CLIP4: variants seen among roughly 807,000 people sequenced by gnomAD.
CLIP4 encodes CAP-Gly domain containing linker protein family member 4.
A neutral mutation model predicts 73.1 loss-of-function variants in CLIP4; 47 were observed. That is an observed-to-expected ratio of 0.64 (90% CI 0.51 to 0.82). CLIP4 has a LOEUF of 0.82. Among genes scored for constraint, CLIP4 ranks in the 40% least tolerant of loss-of-function variants. CLIP4 has a pLI of 0.00. For synonymous variants in CLIP4, 306 were observed against 295.4 expected, an observed-to-expected ratio of 1.04 and a Z score of -0.37; for missense variants, 874 against 852.9, an observed-to-expected ratio of 1.02 and a Z score of -0.31.
intron 1 of CLIP4, among the ~76,000 whole-genome samples, chr2:29,108,282 A>C (rs115523427): frequency 0.012 from 1,779 of 152,342 alleles, 35 homozygotes; most frequent in African/African-American, 0.041. Flanking sequence ...TGTGGCCATC[A>C]TTAAGCGAAA....
In CLIP4 at chr2:29,167,459, C is replaced by T. The variant is rs373727324; in HGVS notation, c.1659-17C>T. 4 of 1,578,904 alleles carry T rather than the reference C, an allele frequency of 2.5e-6. No homozygotes were observed. The African/African-American group carries it at 5.5e-5, about 22-fold the overall frequency. On this transcript the variant is annotated splice_polypyrimidine_tract_variant and intron_variant, in intron 13 of 15. Transcript: ENST00000320081. ...GACCAGCTACTTCTAACGAGATGTCCTTTGTTTTATTCATAGAGTAACAGA... is the reference window on the plus strand; with the variant it reads ...GACCAGCTACTTCTAACGAGATGTCTTTTGTTTTATTCATAGAGTAACAGA...
At chr2:29,176,160 A>C (rs576670872) in intron 15 of CLIP4, among the ~76,000 whole-genome samples, 1 of 152,370 alleles carries the variant, frequency 6.6e-6, no homozygotes, top group African/African-American at 2.4e-5. Context: ...AAAGGGTTTC[A>C]GGTGCTGGCA....
chr2:29,129,651 C>T (rs762559341), intron 2 of CLIP4, among the ~76,000 whole-genome samples: 2 of 151,720 alleles, frequency 1.3e-5, no homozygotes, highest in Non-Finnish European at 2.9e-5. Context: ...TATTTGAGTG[C>T]TGTAGGGATG....
intron 14 of CLIP4, among the ~76,000 whole-genome samples, chr2:29,168,058 A>C (rs1475402901): frequency 6.6e-6 from 1 of 152,180 alleles, no homozygotes; most frequent in Non-Finnish European, 1.5e-5. Flanking sequence ...CTTCCTAGGT[A>C]ATGCCTGTCT....
Position 29,183,767 on chromosome 2 carries a change from T to A in CLIP4, c.*1874T>A, listed in dbSNP as rs1668749553. The stretch of plus-strand genomic sequence containing the variant: ...TTATGAAATGTCATTTAAAGTTCAC[T>A]TCTTGAGCATCAATAAAAAGGGAAG... On this transcript the variant is annotated 3_prime_UTR_variant, in exon 16 of 16. Coordinates refer to ENST00000320081, the MANE Select transcript of CLIP4 (RefSeq NM_024692.6). 1 of 152,256 alleles carries A rather than the reference T, an allele frequency of 6.6e-6. No homozygotes were observed. Among genetic ancestry groups the A allele is most frequent in the South Asian group, 2.1e-4 (1 of 4,836 alleles). 9.4% of individuals were successfully genotyped at this position (152,256 alleles called of 1,614,324 possible). A position where few individuals can be genotyped will look rare whatever the true frequency, so the allele number is the denominator to read the frequency against.
chr2:29,144,664 C>T (rs918801024), intron 7 of CLIP4, among the ~76,000 whole-genome samples: 1 of 151,962 alleles, frequency 6.6e-6, no homozygotes, highest in Non-Finnish European at 1.5e-5. Flanking sequence ...TTAGGTATTT[C>T]TCCTAATGCT....
intron 3 of CLIP4, chr2:29,131,632 G>T: frequency 2.8e-6 from 1 of 353,438 alleles, no homozygotes; most frequent in Non-Finnish European, 5.0e-6. Flanking sequence ...GCAGGGAGGG[G>T]CATTTTTCAT....
chr2:29,163,034 T>G (rs1667390756), intron 12 of CLIP4, among the ~76,000 whole-genome samples: 1 of 152,136 alleles, frequency 6.6e-6, no homozygotes, highest in Non-Finnish European at 1.5e-5. Flanking sequence ...GACTACTAGA[T>G]ACTTCTAATT....
chr2:29,174,147 C>G (rs768237844), intron 14 of CLIP4, among the ~76,000 whole-genome samples: 1 of 151,922 alleles, frequency 6.6e-6, no homozygotes, highest in Non-Finnish European at 1.5e-5. Context: ...GAGATAGGAT[C>G]TCACTCTATT....
intron 1 of CLIP4, 105 bp from the exon 2 acceptor site, chr2:29,121,269 T>A: frequency 8.9e-7 from 1 of 1,120,822 alleles, no homozygotes; most frequent in Non-Finnish European, 1.2e-6. Flanking sequence ...ACTGAAAATG[T>A]CAGCAGATTT....
At chr2:29,167,577 T>A (rs771530695) in intron 14 of CLIP4, 37 bp downstream of exon 14, 30 of 1,502,760 alleles carry the variant, frequency 2.0e-5, no homozygotes, top group Admixed American at 6.2e-5. Context: ...AATCAATATT[T>A]CTTTGCTTTC....
At chr2:29,122,826 CAAAAAAAAAAAA>C (rs11364909) in intron 2 of CLIP4, among the ~76,000 whole-genome samples, 2 of 61,914 alleles carry the variant, frequency 3.2e-5, no homozygotes, top group African/African-American at 1.4e-4. Context: ...ACTTTGTCTC[CAAAAAAAAAAAA>C]AAAAAAAAAA....
intron 11 of CLIP4, among the ~76,000 whole-genome samples, chr2:29,159,683 TAA>T (rs56927221): frequency 3.6e-4 from 41 of 114,146 alleles, no homozygotes; most frequent in African/African-American, 1.2e-3. Context: ...CCTGTTTCTT[TAA>T]AAAAAAAAAA....
upstream of CLIP4, among the ~76,000 whole-genome samples, chr2:29,112,924 G>A (rs1434292081): frequency 1.3e-5 from 2 of 152,180 alleles, no homozygotes; most frequent in Non-Finnish European, 2.9e-5. Flanking sequence ...TTTTATCATG[G>A]TCGGGGTCCT....
intron 1 of CLIP4, among the ~76,000 whole-genome samples, chr2:29,105,530 C>A (rs1043082400): frequency 1.3e-5 from 2 of 152,188 alleles, no homozygotes; most frequent in African/African-American, 4.8e-5. Context: ...CAGAGGGCAG[C>A]CTCTCCATCT....
intron 3 of CLIP4, 139 bp downstream of exon 3, chr2:29,131,536 T>G: frequency 1.1e-6 from 1 of 887,042 alleles, no homozygotes; most frequent in South Asian, 2.0e-5. Context: ...TCCAGGATTT[T>G]CATGGGGCAG....
intron 11 of CLIP4, among the ~76,000 whole-genome samples, chr2:29,159,516 G>C (rs1254839429): frequency 6.6e-6 from 1 of 151,912 alleles, no homozygotes; most frequent in East Asian, 1.9e-4. Flanking sequence ...AATCACTTTA[G>C]GATAATTAGA....
intron 2 of CLIP4, among the ~76,000 whole-genome samples, chr2:29,129,858 C>T (rs779019698): frequency 6.6e-6 from 1 of 152,080 alleles, no homozygotes; most frequent in Non-Finnish European, 1.5e-5. Flanking sequence ...TAAAGTTCAC[C>T]TATTTTTTCT....
chr2:29,111,734 T>A (rs1222280935), upstream of CLIP4, among the ~76,000 whole-genome samples: 1 of 152,244 alleles, frequency 6.6e-6, no homozygotes, highest in Non-Finnish European at 1.5e-5. Flanking sequence ...TTGTCAGCCA[T>A]CTGTTAATTT....
Sources: allele counts gnomAD v4.1 joint callset (sites outside exome capture counted in the v4.1 genomes callset), GRCh38; gene constraint gnomAD v4.1.1; transcripts MANE v1.5; gene names NCBI Gene and HGNC (gene_info 2026-07-23, HGNC 2026-07-21).